The following MSC variants were observed in gnomAD, a reference collection of about 807,000 sequenced individuals.
MSC encodes activated B-cell factor 1, homolog of mouse musculin.
Under a neutral mutation model 14.4 loss-of-function variants are expected in MSC, and 16 were observed. That is an observed-to-expected ratio of 1.11 (90% confidence interval 0.75 to 1.69). The LOEUF (loss-of-function observed/expected upper bound fraction) is 1.69. Ranked by LOEUF, MSC falls within the 40% of genes most tolerant of loss-of-function variation. MSC has a pLI of 0.00. For synonymous variants in MSC, 165 were observed against 128.5 expected (o/e 1.28, Z -1.92); for missense variants, 320 against 288.1 (o/e 1.11, Z -0.80).
chr8:71,842,772 T>C lies in MSC; in HGVS notation c.535-25A>G, dbSNP rs376438239. On this transcript the variant is annotated intron_variant, in intron 1 of 1. Transcript: ENST00000325509. ...TCTGTAAATCAAAAAGAACGTGAGA[T>C]ATTAGAGAGAAACGATTGTCTCAAA... 5.4e-5 allele frequency: 86 copies of C among 1,605,502 alleles called. 1 individual carries two copies. The Middle Eastern group carries it at 8.2e-4, about 15-fold the overall frequency.
In MSC at chr8:71,843,803, C is replaced by T; in HGVS notation, c.376G>A (p.Ala126Thr). The change falls in exon 1 of 2, where the codon GCC becomes ACC. Residue 126 changes from alanine (A) to threonine (T), a missense_variant. Transcript: ENST00000325509. ...AGGCTGGTCTTGAGCCTGGAGAAGG[C>T]TTTGCTCAGCACGCGCATCCGGGCA... is the stretch of plus-strand genomic sequence containing the variant. ...ERARMRVLSK[A>T]FSRLKTSLPW... is the part of the protein sequence containing the mutation. 1 of 1,613,764 alleles carries T rather than the reference C, an allele frequency of 6.2e-7. No individual in the cohort carries two copies. Among genetic ancestry groups the T allele is most frequent in the Non-Finnish European group, 8.5e-7 (1 of 1,179,958 alleles).
In MSC at chr8:71,843,286, C is replaced by T. The variant is rs540789418; in HGVS notation, c.534+359G>A. The T allele has an allele frequency of 3.8e-4, 155 of 408,786 alleles. 1 individual carries two copies. The highest frequency in any genetic ancestry group is 3.3e-3 in the South Asian group (140 of 42,938). The allele number at this position is 408,786 out of a possible 1,614,324, so 25.3% of individuals were successfully genotyped here. ...TCCTTTAAGAAAGGGCTTGCCGATT[C>T]AAACCTGCCCGACTCAGCTGGATTA... On this transcript the variant is annotated intron_variant, in intron 1 of 1. Transcript: ENST00000325509.
Position 71,844,123 on chromosome 8 carries a change from C to T in MSC, c.56G>A (p.Arg19Gln), listed in dbSNP as rs750195088. 1.5e-5 allele frequency: 23 copies of T among 1,525,294 alleles called. No individual in the cohort carries two copies. The highest frequency in any genetic ancestry group is 2.0e-5 in the Non-Finnish European group (23 of 1,137,422). 94.5% of individuals were successfully genotyped at this position (1,525,294 alleles called of 1,614,324 possible). ...PEEMELRGLQ[R>Q]EYPVPASKRP... Reference sequence around the variant, plus strand: ...CTTGGAGGCGGGGACCGGGTACTCCCGCTGCAGCCCCCGAAGCTCCATCTC... The same window carrying T: ...CTTGGAGGCGGGGACCGGGTACTCCTGCTGCAGCCCCCGAAGCTCCATCTC... The change falls in exon 1 of 2, where the codon CGG (arginine) becomes CAG (glutamine). Residue 19 changes from arginine (R) to glutamine (Q), a missense_variant. Physicochemically the swap from Arg to Gln is conservative, Grantham distance 43. Coordinates refer to ENST00000325509, the MANE Select transcript of MSC (RefSeq NM_005098.4).
intron 1 of MSC, chr8:71,843,284 T>G: frequency 2.5e-6 from 1 of 405,800 alleles, no homozygotes; most frequent in Non-Finnish European, 4.6e-6. Context: ...GGCTTGCCGA[T>G]TCAAACCTGC....
At chr8:71,843,578 C>CGGCGCCCAGG (rs751187882) in intron 1 of MSC, 67 bp downstream of exon 1, 4 of 1,608,658 alleles carry the variant, frequency 2.5e-6, no homozygotes, top group Non-Finnish European at 3.4e-6. Flanking sequence ...TGACCCTGCC[C>CGGCGCCCAGG]GGCGCCCAGG....
rs1296977150 is a variant in MSC, at chr8:71,843,955, G to T, written c.224C>A (p.Pro75His). Reference sequence around the variant, plus strand: ...TGCGCCGCCGCCCCCAGCCACACGGGGCCGCTTCCTCTTGCAGCCTTCCGC... The same window carrying T: ...TGCGCCGCCGCCCCCAGCCACACGGTGCCGCTTCCTCTTGCAGCCTTCCGC... ...GSAEGCKRKR[P>H]RVAGGGGAGG... Residue 75 changes from proline (P) to histidine (H), a missense_variant, in exon 1 of 2, where the codon CCC (proline) becomes CAC (histidine). Pro to His is a moderately conservative substitution (Grantham distance 77). Transcript: ENST00000325509. 6.4e-7 allele frequency: 1 copy of T among 1,562,068 alleles called. No homozygotes were observed. Among genetic ancestry groups the T allele is most frequent in the South Asian group, 1.2e-5 (1 of 86,168 alleles).
At chr8:71,843,050 GCACACACA>G (rs59293389) in intron 1 of MSC, 5 of 168,660 alleles carry the variant, frequency 3.0e-5, no homozygotes, top group East Asian at 1.4e-4. Context: ...ACACACACAC[GCACACACA>G]CACACACACA....
chr8:71,842,837 C>T, intron 1 of MSC, 90 bp from the exon 2 acceptor site: 1 of 1,087,136 alleles, frequency 9.2e-7, no homozygotes, highest in Non-Finnish European at 1.4e-6. Flanking sequence ...ATATTCCTGA[C>T]TTGGAGTAGC....
rs1807395627 is a variant in MSC at position 71,842,202 on chromosome 8, GT to G, written c.*458del. 1 of 195,212 alleles carries G rather than the reference GT, an allele frequency of 5.1e-6. No individual in the cohort carries two copies. The highest frequency in any genetic ancestry group is 1.1e-5 in the Non-Finnish European group (1 of 92,036). The allele number at this position is 195,212 out of a possible 1,614,324, so 12.1% of individuals were successfully genotyped here. A position where few individuals can be genotyped will look rare whatever the true frequency, so the allele number is the denominator to read the frequency against. ...ACGCGGATCTCACGTCTAGACCTCT[GT>G]CTTTAAAGCGGATGTAGAGCGCGTT... On this transcript the variant is annotated 3_prime_UTR_variant, in exon 2 of 2. Coordinates refer to ENST00000325509, the MANE Select transcript of MSC (RefSeq NM_005098.4).
chr8:71,843,324 G>A, intron 1 of MSC: 1 of 466,816 alleles, frequency 2.1e-6, no homozygotes, highest in Admixed American at 3.3e-5. Context: ...TTGGGCAAGG[G>A]AGATTTGCCG....
Position 71,843,802 on chromosome 8 carries a change from G to T in MSC, c.377C>A (p.Ala126Asp). The change falls in exon 1 of 2, where the codon GCC becomes GAC. Residue 126 changes from alanine to aspartate, a missense_variant. By Grantham distance (126) the Ala-to-Asp change is moderately radical. Transcript: ENST00000325509. Reference protein sequence around the residue: ...ERARMRVLSKAFSRLKTSLPW... With the variant: ...ERARMRVLSKDFSRLKTSLPW... ...CAGGCTGGTCTTGAGCCTGGAGAAG[G>T]CTTTGCTCAGCACGCGCATCCGGGC... 6.2e-7 allele frequency: 1 copy of T among 1,613,740 alleles called. No homozygotes were observed. The highest frequency in any genetic ancestry group is 8.5e-7 in the Non-Finnish European group (1 of 1,179,950).
Position 71,844,119 on chromosome 8 carries a change from C to CT in MSC, c.59dup (p.Tyr21ValfsTer23). 1 of 1,525,338 alleles carries CT rather than the reference C, an allele frequency of 6.6e-7. No homozygotes were observed. The allele number at this position is 1,525,338 out of a possible 1,614,324, so 94.5% of individuals were successfully genotyped here. ...GCCTCTTGGAGGCGGGGACCGGGTA[C>CT]TCCCGCTGCAGCCCCCGAAGCTCCA... On this transcript the variant is annotated frameshift_variant, in exon 1 of 2. Coordinates refer to ENST00000325509, the MANE Select transcript of MSC (RefSeq NM_005098.4). LOFTEE classifies it high-confidence loss of function.
rs764015063 is a variant in MSC at position 71,844,101 on chromosome 8, G to A, written c.78C>T (p.Ser26=). ...GLQREYPVPA[S]KRPPLRGVER... is the part of the protein sequence containing the mutation. ...CTACGCCGCGGAGGGGCGGCCTCTTGGAGGCGGGGACCGGGTACTCCCGCT... is the reference window on the plus strand; with the variant it reads ...CTACGCCGCGGAGGGGCGGCCTCTTAGAGGCGGGGACCGGGTACTCCCGCT... Residue 26 remains serine (S), a synonymous_variant, in exon 1 of 2, where the codon TCC becomes TCT. Coordinates refer to ENST00000325509, the MANE Select transcript of MSC (RefSeq NM_005098.4). 5 of 1,521,538 alleles carry A rather than the reference G, an allele frequency of 3.3e-6. No individual in the cohort carries two copies. The South Asian group carries it at 6.6e-5, about 20-fold the overall frequency. The allele number at this position is 1,521,538 out of a possible 1,614,324, so 94.3% of individuals were successfully genotyped here.
intron 1 of MSC, chr8:71,843,081 C>CAG (rs1489175223): frequency 2.3e-5 from 8 of 343,878 alleles, no homozygotes; most frequent in Non-Finnish European, 4.5e-5. Context: ...CACACACACA[C>CAG]AGTCATCCAC....
rs752120642 is a variant in MSC at position 71,842,412 on chromosome 8, C to T, written c.*249G>A. 7 of 484,152 alleles carry T rather than the reference C, an allele frequency of 1.4e-5. No homozygotes were observed. Among genetic ancestry groups the T allele is most frequent in the Middle Eastern group, 5.9e-4 (1 of 1,686 alleles). The allele number at this position is 484,152 out of a possible 1,614,324, so 30.0% of individuals were successfully genotyped here. A position where few individuals can be genotyped will look rare whatever the true frequency, so the allele number is the denominator to read the frequency against. On this transcript the variant is annotated 3_prime_UTR_variant, in exon 2 of 2. Coordinates refer to ENST00000325509, the MANE Select transcript of MSC (RefSeq NM_005098.4). Reference sequence around the variant, plus strand: ...CGAGGGTGGACCTGCGTCCGCGTCTCGTCACGAAAGGAAGCTCTTTTTGGA... The same window carrying T: ...CGAGGGTGGACCTGCGTCCGCGTCTTGTCACGAAAGGAAGCTCTTTTTGGA...
chr8:71,843,602 T>A, intron 1 of MSC, 43 bp downstream of exon 1: 3 of 1,613,784 alleles, frequency 1.9e-6, no homozygotes, highest in Admixed American at 3.3e-5. Context: ...GCCCTGGGTA[T>A]CTCCTGGCTG....
chr8:71,843,750 G>C lies in MSC; in HGVS notation c.429C>G (p.Leu143=), dbSNP rs368948860. 9 of 1,614,190 alleles carry C rather than the reference G, an allele frequency of 5.6e-6. No individual in the cohort carries two copies. The highest frequency in any genetic ancestry group is 7.6e-6 in the Non-Finnish European group (9 of 1,180,048). ...SLPWVPPDTK[L]SKLDTLRLAS... ...CCAGCCGGAGCGTGTCCAGCTTGGA[G>C]AGCTTAGTGTCGGGGGGCACCCAGG... is the stretch of plus-strand genomic sequence containing the variant. The change falls in exon 1 of 2, where the codon CTC becomes CTG. Residue 143 remains leucine, a synonymous_variant. Transcript: ENST00000325509.
chr8:71,843,571 C>A, intron 1 of MSC, 74 bp downstream of exon 1: 2 of 1,603,774 alleles, frequency 1.2e-6, no homozygotes, highest in Non-Finnish European at 1.7e-6. Context: ...AACGGGCTGA[C>A]CCTGCCCGGC....
Position 71,844,221 on chromosome 8 carries a change from C to T in MSC, c.-43G>A, listed in dbSNP as rs775262977. ...CCACACGCGTCCTCTTTCCTCCCCCCTGGCCAGTCTCGCTGTCTCCGCCTT... is the reference window on the plus strand; with the variant it reads ...CCACACGCGTCCTCTTTCCTCCCCCTTGGCCAGTCTCGCTGTCTCCGCCTT... On this transcript the variant is annotated 5_prime_UTR_variant, in exon 1 of 2. Transcript: ENST00000325509. The T allele has an allele frequency of 7.5e-6, 12 of 1,607,266 alleles. No individual in the cohort carries two copies. The highest frequency in any genetic ancestry group is 7.6e-6 in the Non-Finnish European group (9 of 1,178,126).
Sources: gnomAD v4.1 joint callset for allele counts on GRCh38, gnomAD v4.1.1 for gene constraint, MANE v1.5 for transcripts, NCBI Gene and HGNC (gene_info 2026-07-23, HGNC 2026-07-21) for gene names.